Variants in DFFB observed in about 807,000 individuals in gnomAD.
The protein encoded by DFFB is DNA fragmentation factor 40 kDa subunit.
In DFFB, 29 loss-of-function variants were observed where a neutral mutation model predicts 32.7. The observed-to-expected ratio is 0.89, with a 90% CI of 0.66 to 1.21. The LOEUF is 1.21. DFFB is among the 50% of genes most tolerant of loss of function. The pLI, the probability that DFFB is intolerant of heterozygous loss-of-function variation, is 0.00. For synonymous variants in DFFB, 170 were observed against 177.1 expected (o/e 0.96, Z 0.32); for missense variants, 398 against 440.6 (o/e 0.90, Z 0.87).
At chr1:3,866,152 G>T in intron 3 of DFFB, 152 bp downstream of exon 3, 1 of 727,088 alleles carries the variant, frequency 1.4e-6, no homozygotes, top group Admixed American at 2.3e-5. Flanking sequence ...TCATTTCCCA[G>T]CATTTCCCAG....
intron 6 of DFFB, among the ~76,000 whole-genome samples, chr1:3,876,853 G>A (rs909796179): frequency 2.6e-5 from 4 of 152,362 alleles, no homozygotes; most frequent in African/African-American, 9.6e-5. Context: ...GCTGAAGGGC[G>A]CGGGCCCTGG....
rs143154829 is a variant in DFFB at position 3,883,961 on chromosome 1, T to C, written c.*220T>C. The C allele has an allele frequency of 2.8e-3, 1,563 of 550,532 alleles. 18 individuals are homozygous for C. Among genetic ancestry groups the C allele is most frequent in the African/African-American group, 0.027 (1,416 of 53,072 alleles). 34.1% of individuals were successfully genotyped at this position (550,532 alleles called of 1,614,324 possible). A position where few individuals can be genotyped will look rare whatever the true frequency, so the allele number is the denominator to read the frequency against. The stretch of plus-strand genomic sequence containing the variant: ...TTGTTTTGTAGATGGAGTTTCACTT[T>C]TGTTGCCCAGGCTGGAGTGTAGTGG... On this transcript the variant is annotated 3_prime_UTR_variant, in exon 7 of 7. Transcript: ENST00000378209.
chr1:3,866,312 C>G (rs1380487565), intron 3 of DFFB: 1 of 444,618 alleles, frequency 2.2e-6, no homozygotes, highest in Non-Finnish European at 4.4e-6. Flanking sequence ...GATCTTGGCT[C>G]ACCGCAACCT....
intron 2 of DFFB, among the ~76,000 whole-genome samples, chr1:3,863,792 T>C (rs1184299341): frequency 1.3e-5 from 2 of 151,816 alleles, no homozygotes; most frequent in East Asian, 1.9e-4. Flanking sequence ...GTTAGAGAGA[T>C]GGAAAATAGA....
At chr1:3,872,934 A>G in intron 6 of DFFB, 1 of 1,218,322 alleles carries the variant, frequency 8.2e-7, no homozygotes, top group Non-Finnish European at 1.0e-6. Context: ...TGTGAGTTTG[A>G]ACCAGGGTGA....
intron 5 of DFFB, among the ~76,000 whole-genome samples, chr1:3,871,618 A>G (rs570589657): frequency 6.6e-6 from 1 of 152,338 alleles, no homozygotes; most frequent in African/African-American, 2.4e-5. Context: ...TCCCTAAAGC[A>G]GTATACCCTG....
At chr1:3,878,830 C>T (rs1188440873) in intron 6 of DFFB, among the ~76,000 whole-genome samples, 7 of 152,204 alleles carry the variant, frequency 4.6e-5, no homozygotes, top group African/African-American at 1.7e-4. Context: ...TCACCCGTGT[C>T]TGTGTTTGCC....
At chr1:3,870,152 C>T (rs112873144) in intron 5 of DFFB, among the ~76,000 whole-genome samples, 12,454 of 152,302 alleles carry the variant, frequency 0.082, 1,706 homozygotes, top group African/African-American at 0.28. Flanking sequence ...CGCACTCCCC[C>T]GCTGCCTTCC....
Position 3,859,464 on chromosome 1 carries a change from T to G in DFFB, c.241+620T>G, listed in dbSNP as rs1267453062. Among the ~76,000 whole-genome samples the G allele has an allele frequency of 2.0e-5, 3 of 152,204 alleles. No individual in the cohort carries two copies. The East Asian group carries it at 5.8e-4, about 29-fold the overall frequency. On this transcript the variant is annotated intron_variant, in intron 2 of 6. Transcript: ENST00000378209. ...AGCTTTTGGCCACTGGGGCAGGAGATGCCATCATGTGCCTTTACCTGGGAG... is the reference window on the plus strand; with the variant it reads ...AGCTTTTGGCCACTGGGGCAGGAGAGGCCATCATGTGCCTTTACCTGGGAG...
Position 3,869,491 on chromosome 1 carries a change from C to T in DFFB, c.511-114C>T, listed in dbSNP as rs113558809. The T allele has an allele frequency of 0.019, 21,060 of 1,135,982 alleles. 2,756 individuals are homozygous for T. The African/African-American group carries it at 0.29, about 15-fold the overall frequency. The allele number at this position is 1,135,982 out of a possible 1,614,324, so 70.4% of individuals were successfully genotyped here. ...CACGTGAACTCAGACCCTCTGACCA[C>T]AGGACTGGGCTTGGGCAGGGTCTCA... On this transcript the variant is annotated intron_variant, in intron 4 of 6. Coordinates refer to ENST00000378209, the MANE Select transcript of DFFB (RefSeq NM_004402.4).
intron 4 of DFFB, among the ~76,000 whole-genome samples, chr1:3,868,293 G>A (rs576550535): frequency 1.1e-4 from 17 of 152,146 alleles, no homozygotes; most frequent in African/African-American, 2.9e-4. Flanking sequence ...GTTGGGGAGC[G>A]GGGAGGTGGT....
chr1:3,869,022 C>G (rs1645056080), intron 4 of DFFB, among the ~76,000 whole-genome samples: 1 of 152,250 alleles, frequency 6.6e-6, no homozygotes, highest in Non-Finnish European at 1.5e-5. Context: ...CACTGCCTGC[C>G]TGACCAGGGT....
chr1:3,858,980 C>A, intron 2 of DFFB, 136 bp downstream of exon 2: 2 of 1,331,002 alleles, frequency 1.5e-6, no homozygotes, highest in African/African-American at 1.5e-5. Flanking sequence ...AGGAAGCCCT[C>A]TGGAGGCAGA....
intron 6 of DFFB, among the ~76,000 whole-genome samples, chr1:3,878,827 T>C (rs10737189): frequency 0.69 from 105,517 of 152,084 alleles, 36,877 homozygotes; most frequent in Non-Finnish European, 0.72. Flanking sequence ...GATTCACCCG[T>C]GTCTGTGTTT....
In DFFB at chr1:3,884,105, A is replaced by C. The variant is rs1638281867; in HGVS notation, c.*364A>C. On this transcript the variant is annotated 3_prime_UTR_variant, in exon 7 of 7. Coordinates refer to ENST00000378209, the MANE Select transcript of DFFB (RefSeq NM_004402.4). ...CACCATGTTGGTCAGGCTGGTCTCA[A>C]ACTCCTGACCTCAGGTGATCCGCCC... 3.7e-6 allele frequency: 1 copy of C among 268,406 alleles called. No homozygotes were observed. Among genetic ancestry groups the C allele is most frequent in the Admixed American group, 5.1e-5 (1 of 19,746 alleles). 16.6% of individuals were successfully genotyped at this position (268,406 alleles called of 1,614,324 possible).
At chr1:3,871,176 G>A (rs537459066) in intron 5 of DFFB, among the ~76,000 whole-genome samples, 1 of 152,366 alleles carries the variant, frequency 6.6e-6, no homozygotes, top group African/African-American at 2.4e-5. Context: ...GTGCTGGTGT[G>A]TGATCACACG....
chr1:3,868,002 T>C lies in DFFB; in HGVS notation c.459T>C (p.Ser153=). Residue 153 remains serine, a synonymous_variant, in exon 4 of 7, where the codon TCT becomes TCC. Coordinates refer to ENST00000378209, the MANE Select transcript of DFFB (RefSeq NM_004402.4). ...TGGAGTCCCGATTTCAGAGCAAGTC[T>C]GGCTATCTGAGATACAGCTGTGAGA... ...EGLESRFQSK[S]GYLRYSCESR... The C allele has an allele frequency of 6.2e-7, 1 of 1,614,158 alleles. No individual in the cohort carries two copies. Among genetic ancestry groups the C allele is most frequent in the Non-Finnish European group, 8.5e-7 (1 of 1,180,004 alleles).
In DFFB at chr1:3,872,583, A is replaced by G. The variant is rs755603298; in HGVS notation, c.782+11A>G. On this transcript the variant is annotated intron_variant, in intron 6 of 6. Coordinates refer to ENST00000378209, the MANE Select transcript of DFFB (RefSeq NM_004402.4). ...GAACCTGGATCACATGTAAGCTCAC[A>G]GAGCGAGGTTCAGACCCACGAGTGC... is the stretch of plus-strand genomic sequence containing the variant. 1.9e-6 allele frequency: 3 copies of G among 1,600,458 alleles called. No individual in the cohort carries two copies. In the South Asian group the frequency reaches 3.3e-5, roughly 18 times the overall value.
intron 3 of DFFB, chr1:3,866,244 A>G (rs1644977947): frequency 6.5e-6 from 4 of 614,556 alleles, no homozygotes; most frequent in Admixed American, 2.1e-5. Context: ...TTATATTTTT[A>G]TAGATATGTT....
Sources: allele counts gnomAD v4.1 joint callset (sites outside exome capture counted in the v4.1 genomes callset), GRCh38; gene constraint gnomAD v4.1.1; transcripts MANE v1.5; gene names NCBI Gene and HGNC (gene_info 2026-07-23, HGNC 2026-07-21).